The following ADAM28 variants were observed in gnomAD, a reference collection of about 807,000 sequenced individuals.
ADAM28 encodes disintegrin and metalloproteinase domain-containing protein 28.
A neutral mutation model predicts 101.2 loss-of-function variants in ADAM28; 105 were observed. That is an observed-to-expected ratio of 1.04 (90% confidence interval 0.89 to 1.22). The LOEUF is 1.22. Ranked by LOEUF, ADAM28 falls within the 50% of genes most tolerant of loss-of-function variation. ADAM28 has a pLI of 0.00. For missense variants in ADAM28, 1,028 were observed against 945.4 expected (o/e 1.09, Z -1.15); for synonymous variants, 322 against 310.6 (o/e 1.04, Z -0.39).
chr8:24,313,096 C>A (rs543883211), intron 5 of ADAM28, among the ~76,000 whole-genome samples: 2 of 152,242 alleles, frequency 1.3e-5, no homozygotes, highest in South Asian at 4.1e-4. Context: ...TGGAAGAATG[C>A]TGTACCAAGT....
chr8:24,309,610 C>G (rs1340119640), intron 2 of ADAM28, among the ~76,000 whole-genome samples: 1 of 152,090 alleles, frequency 6.6e-6, no homozygotes, highest in Non-Finnish European at 1.5e-5. Flanking sequence ...TTTTCAAAAC[C>G]AAGCAGTATC....
intron 13 of ADAM28, among the ~76,000 whole-genome samples, chr8:24,334,488 C>A (rs1001989301): frequency 4.0e-5 from 6 of 151,802 alleles, no homozygotes; most frequent in Non-Finnish European, 7.4e-5. Context: ...GGGCTTTCAA[C>A]TGGACTTGAA....
intron 5 of ADAM28, among the ~76,000 whole-genome samples, chr8:24,312,830 G>T (rs767823732): frequency 1.2e-4 from 19 of 152,084 alleles, no homozygotes; most frequent in Non-Finnish European, 2.6e-4. Flanking sequence ...GGCTTTAGCA[G>T]AGAAAATTGA....
intron 20 of ADAM28, among the ~76,000 whole-genome samples, chr8:24,351,725 A>G (rs1474689651): frequency 9.2e-6 from 1 of 108,554 alleles, no homozygotes; most frequent in Admixed American, 9.6e-5. Flanking sequence ...GTAAATTTAA[A>G]GATTTTAGCT....
intron 8 of ADAM28, 122 bp downstream of exon 8, chr8:24,321,411 C>A: frequency 1.2e-6 from 1 of 823,208 alleles, no homozygotes; most frequent in Non-Finnish European, 2.1e-6. Flanking sequence ...ATGTGGCTGA[C>A]TGGCTCCCAA....
At chr8:24,317,529 C>A (rs1439678242) in intron 6 of ADAM28, among the ~76,000 whole-genome samples, 1 of 151,722 alleles carries the variant, frequency 6.6e-6, no homozygotes, top group African/African-American at 2.4e-5. Flanking sequence ...AACTAAAATT[C>A]AAATCAAAAT....
chr8:24,328,710 C>G (rs1363784812), intron 10 of ADAM28, among the ~76,000 whole-genome samples: 5 of 151,978 alleles, frequency 3.3e-5, no homozygotes, highest in African/African-American at 2.4e-5. Flanking sequence ...GGTGGATCAC[C>G]TGAGGTCAGG....
intron 18 of ADAM28, 78 bp from the exon 19 acceptor site, chr8:24,349,786 A>C (rs998623024): frequency 9.0e-7 from 1 of 1,105,480 alleles, no homozygotes; most frequent in African/African-American, 1.6e-5. Flanking sequence ...ATATGTGCTA[A>C]GTAAAGAAAC....
At chr8:24,353,959 G>T in intron 22 of ADAM28, 127 bp downstream of exon 22, 1 of 586,278 alleles carries the variant, frequency 1.7e-6, no homozygotes, top group Non-Finnish European at 2.9e-6. Context: ...GGAGATGGGT[G>T]CCAACATGAA....
chr8:24,328,143 C>A (rs944291022), intron 10 of ADAM28, among the ~76,000 whole-genome samples: 1 of 151,854 alleles, frequency 6.6e-6, no homozygotes, highest in Non-Finnish European at 1.5e-5. Context: ...TAATTTCTAT[C>A]TAGTATATAT....
chr8:24,352,161 C>A (rs1816234903), intron 21 of ADAM28, 109 bp downstream of exon 21: 2 of 927,978 alleles, frequency 2.2e-6, no homozygotes, highest in Non-Finnish European at 3.3e-6. Flanking sequence ...ATATTGAAAT[C>A]TATGTGAATA....
At chr8:24,300,456 G>C (rs1009141763) in intron 2 of ADAM28, among the ~76,000 whole-genome samples, 1 of 151,458 alleles carries the variant, frequency 6.6e-6, no homozygotes, top group South Asian at 2.1e-4. Context: ...TCGCTCTGTC[G>C]CCCAGGCTGG....
chr8:24,310,490 G>A (rs1021782425), intron 4 of ADAM28: 1 of 342,926 alleles, frequency 2.9e-6, no homozygotes, highest in African/African-American at 2.1e-5. Flanking sequence ...TGGGTAGAAG[G>A]AGCATGTTAT....
intron 22 of ADAM28, 131 bp from the exon 23 acceptor site, chr8:24,354,253 G>A (rs1162586848): frequency 1.3e-6 from 1 of 744,474 alleles, no homozygotes; most frequent in African/African-American, 1.8e-5. Context: ...CTTCGTTTTT[G>A]CTGTATCAAG....
rs192413114 is a variant in ADAM28, at chr8:24,318,965, C to T, written c.577-1271C>T. Among the ~76,000 whole-genome samples, 109 of 152,010 alleles carry T rather than the reference C, an allele frequency of 7.2e-4. 1 individual carries two copies. In the East Asian group the frequency reaches 0.013, roughly 19 times the overall value. ...TGCTCAAAGCCCTCCGATGTCTTCC[C>T]ATTGCATTTAGTATAAAAGCCACAC... On this transcript the variant is annotated intron_variant, in intron 6 of 22. Transcript: ENST00000265769.
At chr8:24,301,629 T>C (rs1808788997) in intron 2 of ADAM28, among the ~76,000 whole-genome samples, 1 of 152,214 alleles carries the variant, frequency 6.6e-6, no homozygotes, top group South Asian at 2.1e-4. Context: ...ACATAGCTTA[T>C]ACGTTTTCTA....
intron 6 of ADAM28, among the ~76,000 whole-genome samples, chr8:24,314,048 C>A (rs565919607): frequency 6.6e-6 from 1 of 152,052 alleles, no homozygotes; most frequent in Non-Finnish European, 1.5e-5. Flanking sequence ...TGAGCCACCG[C>A]ACTTAGCCGG....
chr8:24,324,115 A>C, intron 9 of ADAM28, 112 bp downstream of exon 9: 1 of 916,384 alleles, frequency 1.1e-6, no homozygotes, highest in Middle Eastern at 2.3e-4. Context: ...TAGAGCACTT[A>C]CTTGGATTAT....
intron 19 of ADAM28, among the ~76,000 whole-genome samples, chr8:24,350,852 T>G (rs1048691882): frequency 2.6e-5 from 3 of 116,338 alleles, no homozygotes; most frequent in Non-Finnish European, 3.5e-5. Flanking sequence ...AACGTGATTC[T>G]GGCACAACGG....
Sources: gnomAD v4.1 joint callset for allele counts (sites outside exome capture counted in the v4.1 genomes callset) on GRCh38, gnomAD v4.1.1 for gene constraint, MANE v1.5 for transcripts, NCBI Gene and HGNC (gene_info 2026-07-23, HGNC 2026-07-21) for gene names.